Variants in TACC2 observed in about 807,000 individuals in gnomAD.
TACC2 encodes the protein transforming acidic coiled-coil-containing protein 2.
TACC2 carries 137 observed loss-of-function variants against 227.3 expected under a neutral mutation model. That is an observed-to-expected ratio of 0.60 (90% CI 0.52 to 0.69). The LOEUF is 0.69. TACC2 is among the 30% of genes least tolerant of loss of function. TACC2 has a pLI of 0.00. For synonymous variants in TACC2, 1,523 were observed against 1,487.5 expected, an observed-to-expected ratio of 1.02 and a Z score of -0.55; for missense variants, 3,470 against 3,694.4, an observed-to-expected ratio of 0.94 and a Z score of 1.57.
intron 3 of TACC2, among the ~76,000 whole-genome samples, chr10:122,075,265 G>A (rs1177210859): frequency 6.6e-6 from 1 of 151,670 alleles, no homozygotes; most frequent in Non-Finnish European, 1.5e-5. Context: ...GCCAAAACCG[G>A]AATCCTCCTA....
rs67882679 is a variant in TACC2, at chr10:122,125,776, C to CTTTTTTTT, written c.5574-6822_5574-6815dup. ...ACTCAAAGGCTACACAATATCCTTC[C>CTTTTTTTT]TTTTTTTTTTTTTTTTTTGAGAGGG... On this transcript the variant is annotated intron_variant, in intron 5 of 22. Transcript: ENST00000369005. 9.4e-5 allele frequency among the ~76,000 whole-genome samples: 11 copies of CTTTTTTTT among 117,206 alleles called. 1 individual carries two copies. The highest frequency in any genetic ancestry group is 2.9e-4 in the South Asian group (1 of 3,406). The allele number at this position is 117,206 out of a possible 152,430, so 76.9% of individuals were successfully genotyped here. A position where few individuals can be genotyped will look rare whatever the true frequency, so the allele number is the denominator to read the frequency against.
chr10:122,075,806 T>G (rs1053212011), intron 3 of TACC2, among the ~76,000 whole-genome samples: 2 of 152,188 alleles, frequency 1.3e-5, no homozygotes, highest in African/African-American at 4.8e-5. Context: ...TGATTTCTTT[T>G]TTTTATTGTT....
chr10:122,134,076 A>T (rs550545308), intron 6 of TACC2, among the ~76,000 whole-genome samples: 2 of 152,146 alleles, frequency 1.3e-5, no homozygotes, highest in Admixed American at 6.5e-5. Context: ...TAGATAGGGC[A>T]GGAAGCTGCA....
At chr10:122,006,653 A>G (rs1440087430) in intron 1 of TACC2, among the ~76,000 whole-genome samples, 1 of 151,992 alleles carries the variant, frequency 6.6e-6, no homozygotes, top group Non-Finnish European at 1.5e-5. Context: ...CAGCACGTAG[A>G]TTCAGGTATT....
intron 5 of TACC2, among the ~76,000 whole-genome samples, chr10:122,130,108 G>A (rs1202705280): frequency 1.3e-5 from 2 of 152,136 alleles, no homozygotes; most frequent in African/African-American, 4.8e-5. Context: ...AGTGATTCTT[G>A]TGCCTCAGCC....
chr10:122,231,366 C>G (rs1419729357), intron 16 of TACC2, among the ~76,000 whole-genome samples: 1 of 146,114 alleles, frequency 6.8e-6, no homozygotes, highest in Non-Finnish European at 1.5e-5. Context: ...TGGCTTTGAA[C>G]AAGTAGGTGA....
chr10:122,171,070 T>C (rs1303696710), intron 7 of TACC2, among the ~76,000 whole-genome samples: 1 of 152,234 alleles, frequency 6.6e-6, no homozygotes, highest in East Asian at 1.9e-4. Flanking sequence ...CCTGCATTCT[T>C]AGCCCTTACA....
intron 1 of TACC2, among the ~76,000 whole-genome samples, chr10:121,994,239 A>C (rs537325650): frequency 2.6e-4 from 40 of 152,282 alleles, no homozygotes; most frequent in African/African-American, 9.1e-4. Flanking sequence ...GCTGGTGATG[A>C]CCTGTCCCTA....
In TACC2 at chr10:122,050,429, C is replaced by T. The variant is rs116745501; in HGVS notation, c.34-9C>T. 296 of 1,607,642 alleles carry T rather than the reference C, an allele frequency of 1.8e-4. No homozygotes were observed. The African/African-American group carries it at 3.0e-3, about 16-fold the overall frequency. Reference sequence around the variant, plus strand: ...ATTTCCTTTCCAATTTCTTTTTCTCCTGGCTCAGAGGACTTTATCAGCTCA... The same window carrying T: ...ATTTCCTTTCCAATTTCTTTTTCTCTTGGCTCAGAGGACTTTATCAGCTCA... On this transcript the variant is annotated splice_polypyrimidine_tract_variant and intron_variant, in intron 2 of 22. Transcript: ENST00000369005. This position sits in a 1 kb window ranked among gnomAD's most constrained non-coding sequence, Gnocchi z 4.6.
chr10:122,146,340 A>G (rs1355677201), intron 7 of TACC2, among the ~76,000 whole-genome samples: 3 of 152,164 alleles, frequency 2.0e-5, no homozygotes, highest in South Asian at 2.1e-4. Context: ...ACTAAAGTCT[A>G]TAGTTGCTGT....
intron 3 of TACC2, among the ~76,000 whole-genome samples, chr10:122,067,371 C>T (rs1413333378): frequency 6.6e-6 from 1 of 151,958 alleles, no homozygotes; most frequent in Admixed American, 6.6e-5. Flanking sequence ...TGTATTCTGG[C>T]TTTCATTATT....
intron 15 of TACC2, among the ~76,000 whole-genome samples, chr10:122,229,887 G>C (rs2095703052): frequency 6.6e-6 from 1 of 152,108 alleles, no homozygotes; most frequent in Non-Finnish European, 1.5e-5. Context: ...TCTTGCATCT[G>C]GAACCAAAAA....
chr10:122,216,558 C>T lies in TACC2; in HGVS notation c.7345-69C>T, dbSNP rs879605522. On this transcript the variant is annotated intron_variant, in intron 10 of 22. Transcript: ENST00000369005. ...CTGTCCTGGCTAATGGGTCCCCAGACCTGAGGGTGGGCACAGTTTCTGACC... is the reference window on the plus strand; with the variant it reads ...CTGTCCTGGCTAATGGGTCCCCAGATCTGAGGGTGGGCACAGTTTCTGACC... 61 of 1,538,060 alleles carry T rather than the reference C, an allele frequency of 4.0e-5. 2 individuals carry two copies. The Admixed American group carries it at 1.0e-3, about 26-fold the overall frequency.
intron 3 of TACC2, among the ~76,000 whole-genome samples, chr10:122,062,527 T>C (rs2076957265): frequency 6.7e-6 from 1 of 149,292 alleles, no homozygotes; most frequent in Admixed American, 6.7e-5. Flanking sequence ...TTGGTCAGGC[T>C]GGTCTCGAAC....
chr10:122,176,113 CTCTCTATATA>C (rs1208102812), intron 7 of TACC2, among the ~76,000 whole-genome samples: 375 of 54,674 alleles, frequency 6.9e-3, no homozygotes, highest in African/African-American at 0.024. Flanking sequence ...CTCTCTCTCT[CTCTCTATATA>C]TATATATATA....
At chr10:122,040,377 G>A (rs1365978630) in intron 2 of TACC2, among the ~76,000 whole-genome samples, 1 of 152,162 alleles carries the variant, frequency 6.6e-6, no homozygotes, top group East Asian at 1.9e-4. Flanking sequence ...AGCCCTTCCA[G>A]GGGTTTCATG....
chr10:122,022,330 C>T, intron 2 of TACC2: 1 of 247,682 alleles, frequency 4.0e-6, no homozygotes. Context: ...CAGCCTCAAA[C>T]ACCTGGACTA....
intron 7 of TACC2, among the ~76,000 whole-genome samples, chr10:122,160,603 T>C (rs1277390719): frequency 6.6e-6 from 1 of 152,154 alleles, no homozygotes; most frequent in Non-Finnish European, 1.5e-5. Context: ...GGGACCCTTA[T>C]GATGTAATCT....
chr10:122,186,410 C>T (rs916259588), intron 7 of TACC2, among the ~76,000 whole-genome samples: 1 of 152,072 alleles, frequency 6.6e-6, no homozygotes, highest in Non-Finnish European at 1.5e-5. Context: ...AGGAGGATCT[C>T]GTGAGCCCAA....
Sources: allele counts gnomAD v4.1 joint callset (sites outside exome capture counted in the v4.1 genomes callset), GRCh38; gene constraint gnomAD v4.1.1; non-coding constraint Gnocchi (gnomAD v3.1); transcripts MANE v1.5; gene names NCBI Gene and HGNC (gene_info 2026-07-23, HGNC 2026-07-21).